DLG2: variants seen among roughly 807,000 people sequenced by gnomAD.
DLG2 encodes the protein disks large homolog 2.
A neutral mutation model predicts 132.5 loss-of-function variants in DLG2; 45 were observed. The observed-to-expected ratio is 0.34, with a 90% CI of 0.27 to 0.44. The LOEUF (loss-of-function observed/expected upper bound fraction) is 0.44, where lower values mean the gene tolerates loss of function less well. Ranked by LOEUF, DLG2 falls within the 20% of genes least tolerant of loss-of-function variation. DLG2 has a pLI of 1.00. For missense variants in DLG2, 1,045 were observed against 1,196.9 expected, an observed-to-expected ratio of 0.87 and a Z score of 1.87; for synonymous variants, 424 against 419.6, an observed-to-expected ratio of 1.01 and a Z score of -0.13.
At chr11:84,465,628 T>C (rs2099092244) in intron 7 of DLG2, among the ~76,000 whole-genome samples, 1 of 151,308 alleles carries the variant, frequency 6.6e-6, no homozygotes, top group Non-Finnish European at 1.5e-5. Flanking sequence ...GGAATTATAG[T>C]ACATAGGAAA....
At chr11:83,598,452 A>AGTAG (rs894978729) in intron 19 of DLG2, among the ~76,000 whole-genome samples, 2 of 152,348 alleles carry the variant, frequency 1.3e-5, no homozygotes, top group Admixed American at 1.3e-4. Context: ...ATGACAGTGT[A>AGTAG]GTAGAAAGAG....
At chr11:84,983,437 G>C (rs917605695) in intron 6 of DLG2, among the ~76,000 whole-genome samples, 3 of 152,074 alleles carry the variant, frequency 2.0e-5, no homozygotes, top group Non-Finnish European at 4.4e-5. Context: ...CTAGGAAAAG[G>C]GGGAGAGTAC....
Position 84,220,355 on chromosome 11 carries a change from T to C in DLG2, c.573+30883A>G, listed in dbSNP as rs532362528. Among the ~76,000 whole-genome samples the C allele has an allele frequency of 8.5e-5, 13 of 152,346 alleles. No individual in the cohort carries two copies. In the East Asian group the frequency reaches 2.3e-3, roughly 27 times the overall value. ...CTTAGTAAGTATCTATAATACTCAC[T>C]GCTTCACACAGAAGCTAGAGATTTA... is the stretch of plus-strand genomic sequence containing the variant. On this transcript the variant is annotated intron_variant, in intron 8 of 27. Transcript: ENST00000376104.
Position 85,620,813 on chromosome 11 carries a change from A to G in DLG2, c.-93+5774T>C, listed in dbSNP as rs568428513. Among the ~76,000 whole-genome samples the G allele has an allele frequency of 2.0e-5, 3 of 152,364 alleles. No individual in the cohort carries two copies. The South Asian group carries it at 6.2e-4, about 32-fold the overall frequency. On this transcript the variant is annotated intron_variant, in intron 2 of 27. Transcript: ENST00000376104. ...AGGAAAGAAGTCATCTTTACAACAT[A>G]AAAGTGCAAGGTGAAGCAGCAAGTG... is the stretch of plus-strand genomic sequence containing the variant.
intron 4 of DLG2, among the ~76,000 whole-genome samples, chr11:85,199,299 T>G (rs1359746128): frequency 6.6e-6 from 1 of 152,150 alleles, no homozygotes; most frequent in Non-Finnish European, 1.5e-5. Context: ...CTGACACCAA[T>G]GCACACATAT....
intron 18 of DLG2, among the ~76,000 whole-genome samples, chr11:83,641,871 G>A (rs993743956): frequency 6.8e-6 from 1 of 146,224 alleles, no homozygotes; most frequent in Non-Finnish European, 1.5e-5. Flanking sequence ...GAGTGTGTGT[G>A]TGTGTGTGTG....
chr11:84,028,389 G>T (rs2095599918), intron 11 of DLG2, among the ~76,000 whole-genome samples: 1 of 152,018 alleles, frequency 6.6e-6, no homozygotes, highest in African/African-American at 2.4e-5. Flanking sequence ...TCACAGGAAA[G>T]AAAACAACAA....
At chr11:84,013,961 T>G (rs967057166) in intron 11 of DLG2, among the ~76,000 whole-genome samples, 3 of 151,478 alleles carry the variant, frequency 2.0e-5, no homozygotes, top group African/African-American at 7.3e-5. Flanking sequence ...GACCTGGAGA[T>G]GCTAACTTCT....
chr11:84,968,240 A>G (rs1332445648), intron 6 of DLG2, among the ~76,000 whole-genome samples: 1 of 152,208 alleles, frequency 6.6e-6, no homozygotes, highest in Non-Finnish European at 1.5e-5. Flanking sequence ...TAACATATAT[A>G]ATAGATTTAG....
At chr11:85,030,247 G>T (rs1401286975) in intron 6 of DLG2, among the ~76,000 whole-genome samples, 1 of 152,146 alleles carries the variant, frequency 6.6e-6, no homozygotes, top group Non-Finnish European at 1.5e-5. Context: ...TTTGTTTTGT[G>T]GGTTTTGGTT....
intron 5 of DLG2, among the ~76,000 whole-genome samples, 186 bp from the exon 6 acceptor site, chr11:85,111,921 A>ATTATCCT (rs1408739680): frequency 6.6e-6 from 1 of 152,206 alleles, no homozygotes; most frequent in East Asian, 1.9e-4. Flanking sequence ...AGCATAAGAA[A>ATTATCCT]TTATCCTTTT....
At chr11:84,460,836 A>G (rs2099078321) in intron 7 of DLG2, among the ~76,000 whole-genome samples, 1 of 150,860 alleles carries the variant, frequency 6.6e-6, no homozygotes, top group Admixed American at 6.6e-5. Context: ...CTTAGCCCAT[A>G]TAAATAAAAA....
intron 8 of DLG2, among the ~76,000 whole-genome samples, chr11:84,189,548 A>C (rs1295463285): frequency 6.6e-6 from 1 of 152,210 alleles, no homozygotes; most frequent in Admixed American, 6.5e-5. Context: ...ACTATTTACA[A>C]TAGCAAAGAC....
intron 3 of DLG2, among the ~76,000 whole-genome samples, chr11:85,486,019 T>G (rs1223485846): frequency 6.6e-6 from 1 of 151,962 alleles, no homozygotes; most frequent in East Asian, 1.9e-4. Flanking sequence ...AAAGAATGAG[T>G]AGACTTCACT....
intron 6 of DLG2, among the ~76,000 whole-genome samples, chr11:84,880,540 A>G (rs887037507): frequency 3.9e-5 from 6 of 152,166 alleles, no homozygotes; most frequent in African/African-American, 1.4e-4. Context: ...TAATTAAAAG[A>G]TAAATATATG....
intron 14 of DLG2, among the ~76,000 whole-genome samples, chr11:83,960,645 T>G (rs2088412504): frequency 6.6e-6 from 1 of 151,974 alleles, no homozygotes; most frequent in African/African-American, 2.4e-5. Context: ...CATTTTTTTT[T>G]TTTGCCTCAA....
chr11:83,933,962 G>A (rs1242430981), intron 14 of DLG2, among the ~76,000 whole-genome samples: 2 of 152,362 alleles, frequency 1.3e-5, no homozygotes, highest in South Asian at 2.1e-4. Flanking sequence ...CTGTAGCTGT[G>A]TCCACTAATT....
At position 83,512,655 on chromosome 11, in the gene DLG2, C is replaced by T. The variant is rs564238746; in HGVS notation, c.2193+20053G>A. ...AATTAACTCGTCATTTAACATTAGG[C>T]ATATCTCCTAATGCTATCCCTCCCC... On this transcript the variant is annotated intron_variant, in intron 21 of 27. Transcript: ENST00000376104. 9.2e-5 allele frequency among the ~76,000 whole-genome samples: 14 copies of T among 152,104 alleles called. No individual in the cohort carries two copies. In the South Asian group the frequency reaches 1.0e-3, roughly 11 times the overall value.
intron 3 of DLG2, among the ~76,000 whole-genome samples, chr11:85,454,542 C>A (rs1487729903): frequency 6.6e-6 from 1 of 152,084 alleles, no homozygotes; most frequent in Non-Finnish European, 1.5e-5. Flanking sequence ...TTAATTAGAT[C>A]CAATTTATCA....
Sources: allele counts gnomAD v4.1 joint callset (sites outside exome capture counted in the v4.1 genomes callset), GRCh38; gene constraint gnomAD v4.1.1; transcripts MANE v1.5; gene names NCBI Gene and HGNC (gene_info 2026-07-23, HGNC 2026-07-21).